The following LGALS13 variants were observed in gnomAD, a reference collection of about 807,000 sequenced individuals.
LGALS13 encodes galectin 13.
Under a neutral mutation model 13.2 loss-of-function variants are expected in LGALS13, and 11 were observed. That is an observed-to-expected ratio of 0.83 (90% CI 0.52 to 1.38). The LOEUF (loss-of-function observed/expected upper bound fraction) is 1.38. Among genes scored for constraint, LGALS13 ranks in the 40% most tolerant of loss-of-function variants. The pLI is 0.00. For missense variants in LGALS13, 183 were observed against 174.3 expected (o/e 1.05, Z -0.28); for synonymous variants, 71 against 63.7 (o/e 1.11, Z -0.54).
At chr19:39,606,641 C>T (rs1972693536) in intron 3 of LGALS13, among the ~76,000 whole-genome samples, 1 of 152,232 alleles carries the variant, frequency 6.6e-6, no homozygotes, top group South Asian at 2.1e-4. Flanking sequence ...AAAACATTCA[C>T]ATCTTATTCA....
At chr19:39,606,010 C>T (rs1045501444) in intron 3 of LGALS13, among the ~76,000 whole-genome samples, 4 of 152,116 alleles carry the variant, frequency 2.6e-5, no homozygotes, top group African/African-American at 7.2e-5. Flanking sequence ...GCACACCTGG[C>T]TAATTTTTGT....
chr19:39,604,934 G>A (rs1015896942), intron 2 of LGALS13, among the ~76,000 whole-genome samples: 8 of 152,174 alleles, frequency 5.3e-5, no homozygotes, highest in African/African-American at 1.4e-4. Flanking sequence ...TAGAATTTTC[G>A]GGAATGAACA....
Position 39,604,632 on chromosome 19 carries a change from G to T in LGALS13, c.46G>T (p.Val16Phe). The T allele has an allele frequency of 6.2e-7, 1 of 1,614,198 alleles. No homozygotes were observed. The highest frequency in any genetic ancestry group is 8.5e-7 in the Non-Finnish European group (1 of 1,180,044). Reference sequence around the variant, plus strand: ...ATACAAACTGCCTGTGTCTTTGTCTGTTGGTTCCTGCGTGATAATCAAAGG... The same window carrying T: ...ATACAAACTGCCTGTGTCTTTGTCTTTTGGTTCCTGCGTGATAATCAAAGG... The part of the protein sequence containing the change: ...VPYKLPVSLS[V>F]GSCVIIKGTP... Residue 16 changes from valine (V) to phenylalanine (F), a missense_variant, in exon 2 of 4, where the codon GTT becomes TTT. Coordinates refer to ENST00000221797, the MANE Select transcript of LGALS13 (RefSeq NM_013268.3).
chr19:39,606,035 C>CG (rs541426538), intron 3 of LGALS13, among the ~76,000 whole-genome samples: 101 of 152,198 alleles, frequency 6.6e-4, no homozygotes, highest in African/African-American at 2.2e-3. Context: ...TTAGGGGAGA[C>CG]GGGGGTTCAC....
Position 39,607,251 on chromosome 19 carries a change from G to C in LGALS13, c.332G>C (p.Gly111Ala). The change falls in exon 4 of 4, where the codon GGC becomes GCC. Residue 111 changes from glycine (G) to alanine (A), a missense_variant. Gly to Ala is a moderately conservative substitution (Grantham distance 60). Transcript: ENST00000221797. ...AAGGTCAATGGCATACGCATTTACG[G>C]CTTTGTCCATCGAATCCCGCCATCA... ...EIKVNGIRIY[G>A]FVHRIPPSFV... 1 of 1,614,008 alleles carries C rather than the reference G, an allele frequency of 6.2e-7. No homozygotes were observed. Among genetic ancestry groups the C allele is most frequent in the Non-Finnish European group, 8.5e-7 (1 of 1,179,928 alleles).
intron 1 of LGALS13, among the ~76,000 whole-genome samples, chr19:39,603,104 T>C (rs1440880094): frequency 6.6e-6 from 1 of 152,180 alleles, no homozygotes; most frequent in Non-Finnish European, 1.5e-5. Flanking sequence ...CACATGTGAA[T>C]GTTTCTCCCC....
chr19:39,605,283 G>A lies in LGALS13; in HGVS notation c.198G>A (p.Arg66=), dbSNP rs1395857937. The A allele has an allele frequency of 3.1e-6, 5 of 1,614,064 alleles. No homozygotes were observed. Among genetic ancestry groups the A allele is most frequent in the South Asian group, 2.2e-5 (2 of 91,094 alleles). The change falls in exon 3 of 4, where the codon AGG becomes AGA. Residue 66 remains arginine (R), a synonymous_variant. Transcript: ENST00000221797. ...VHFGNHVVMN[R]REFGIWMLEE... ...TTGGCAATCATGTGGTCATGAACAGGCGTGAGTTTGGGATATGGATGTTGG... is the reference window on the plus strand; with the variant it reads ...TTGGCAATCATGTGGTCATGAACAGACGTGAGTTTGGGATATGGATGTTGG...
chr19:39,605,243 G>T lies in LGALS13; in HGVS notation c.158G>T (p.Arg53Leu). Residue 53 changes from arginine (R) to leucine (L), a missense_variant, in exon 3 of 4, where the codon CGT (arginine) becomes CTT (leucine). By Grantham distance (102) the Arg-to-Leu change is moderately radical. Coordinates refer to ENST00000221797, the MANE Select transcript of LGALS13 (RefSeq NM_013268.3). The part of the protein sequence containing the change: ...DMDEDSDIAF[R>L]FRVHFGNHVV... ...GATGAGGATTCAGATATTGCCTTCCGTTTCCGAGTGCACTTTGGCAATCAT... is the reference window on the plus strand; with the variant it reads ...GATGAGGATTCAGATATTGCCTTCCTTTTCCGAGTGCACTTTGGCAATCAT... 1.9e-6 allele frequency: 3 copies of T among 1,614,194 alleles called. No individual in the cohort carries two copies. The highest frequency in any genetic ancestry group is 1.7e-6 in the Non-Finnish European group (2 of 1,180,022).
intron 2 of LGALS13, 55 bp from the exon 3 acceptor site, chr19:39,605,123 T>G: frequency 7.2e-7 from 1 of 1,387,486 alleles, no homozygotes. Context: ...GTGTGTCGAG[T>G]GTGTGTCTGC....
chr19:39,602,750 T>G (rs530120976), intron 1 of LGALS13, among the ~76,000 whole-genome samples, 167 bp downstream of exon 1: 2 of 152,272 alleles, frequency 1.3e-5, no homozygotes, highest in South Asian at 4.1e-4. Context: ...GAGATGCTTG[T>G]GGGGATTGCG....
In LGALS13 at chr19:39,605,274, C is replaced by T. The variant is rs760990490; in HGVS notation, c.189C>T (p.Val63=). ...GAGTGCACTTTGGCAATCATGTGGT[C>T]ATGAACAGGCGTGAGTTTGGGATAT... ...RFRVHFGNHV[V]MNRREFGIWM... is the part of the protein sequence containing the mutation. The change falls in exon 3 of 4, where the codon GTC becomes GTT. Residue 63 remains valine (V), a synonymous_variant. Transcript: ENST00000221797. The T allele has an allele frequency of 1.2e-6, 2 of 1,614,142 alleles. No homozygotes were observed. Among genetic ancestry groups the T allele is most frequent in the East Asian group, 2.2e-5 (1 of 44,886 alleles).
In LGALS13 at chr19:39,607,292, C is replaced by T. The variant is rs370980902; in HGVS notation, c.373C>T (p.Gln125Ter). The T allele has an allele frequency of 6.2e-7, 1 of 1,613,966 alleles. No individual in the cohort carries two copies. The highest frequency in any genetic ancestry group is 8.5e-7 in the Non-Finnish European group (1 of 1,179,868). The change falls in exon 4 of 4, where the codon CAA becomes TAA. Residue 125 changes from glutamine (Q) to a stop codon, truncating the protein, a stop_gained. Transcript: ENST00000221797. LOFTEE classifies it high-confidence loss of function. ...CCCGCCATCATTTGTGAAGATGGTG[C>T]AAGTGTCGAGAGATATCTCCCTGAC... Reference protein sequence around the residue: ...RIPPSFVKMVQVSRDISLTSV... With the variant: ...RIPPSFVKMV
At position 39,604,568 on chromosome 19, in the gene LGALS13, C is replaced by T. The variant is rs577803789; in HGVS notation, c.16-34C>T. ...ACAGGAGGGGAGACTGCACCTGACCCTGCACCTCTCACTTACTCTCAATAC... is the reference window on the plus strand; with the variant it reads ...ACAGGAGGGGAGACTGCACCTGACCTTGCACCTCTCACTTACTCTCAATAC... On this transcript the variant is annotated intron_variant, in intron 1 of 3. Transcript: ENST00000221797. The T allele has an allele frequency of 2.6e-4, 420 of 1,612,032 alleles. 11 individuals are homozygous for T. The South Asian group carries it at 4.2e-3, about 16-fold the overall frequency.
In LGALS13 at chr19:39,607,434, T is replaced by G; in HGVS notation, c.*95T>G. 2 of 842,010 alleles carry G rather than the reference T, an allele frequency of 2.4e-6. No homozygotes were observed. The highest frequency in any genetic ancestry group is 4.1e-6 in the Non-Finnish European group (2 of 486,728). 52.2% of individuals were successfully genotyped at this position (842,010 alleles called of 1,614,324 possible). On this transcript the variant is annotated 3_prime_UTR_variant, in exon 4 of 4. Coordinates refer to ENST00000221797, the MANE Select transcript of LGALS13 (RefSeq NM_013268.3). ...GCTAACAGAATAATCCCTGCTCACA[T>G]TTTCCCCTACACTTTGTCATTAAAA...
Position 39,605,285 on chromosome 19 carries a change from G to T in LGALS13, c.200G>T (p.Arg67Leu), listed in dbSNP as rs150572663. The change falls in exon 3 of 4, where the codon CGT (arginine) becomes CTT (leucine). Residue 67 changes from arginine to leucine, a missense_variant. Physicochemically the swap from Arg to Leu is moderately radical, Grantham distance 102 (BLOSUM62 -2). Coordinates refer to ENST00000221797, the MANE Select transcript of LGALS13 (RefSeq NM_013268.3). ...GGCAATCATGTGGTCATGAACAGGC[G>T]TGAGTTTGGGATATGGATGTTGGAG... ...HFGNHVVMNR[R>L]EFGIWMLEET... 2 of 1,614,178 alleles carry T rather than the reference G, an allele frequency of 1.2e-6. No homozygotes were observed. Among genetic ancestry groups the T allele is most frequent in the Admixed American group, 3.3e-5 (2 of 60,032 alleles).
intron 1 of LGALS13, among the ~76,000 whole-genome samples, chr19:39,603,235 G>A (rs749262631): frequency 6.6e-6 from 1 of 152,050 alleles, no homozygotes; most frequent in Non-Finnish European, 1.5e-5. Context: ...ATCAGTAGAT[G>A]TCTCTTCCCA....
chr19:39,607,362 T>C lies in LGALS13; in HGVS notation c.*23T>C. 7.1e-7 allele frequency: 1 copy of C among 1,412,004 alleles called. No individual in the cohort carries two copies. The highest frequency in any genetic ancestry group is 1.0e-6 in the Non-Finnish European group (1 of 995,436). The allele number at this position is 1,412,004 out of a possible 1,614,324, so 87.5% of individuals were successfully genotyped here. ...TGAGGGAGATGATCACACTCCTCAT[T>C]GTTGAGGAATCCCTCTTTCTACCTG... On this transcript the variant is annotated 3_prime_UTR_variant, in exon 4 of 4. Transcript: ENST00000221797.
chr19:39,605,070 T>C (rs1972662229), intron 2 of LGALS13, 108 bp from the exon 3 acceptor site: 1 of 932,718 alleles, frequency 1.1e-6, no homozygotes, highest in Non-Finnish European at 1.7e-6. Context: ...CAGTATTATC[T>C]GGGAGACTTT....
chr19:39,604,988 G>C, intron 2 of LGALS13, 190 bp from the exon 3 acceptor site: 1 of 684,228 alleles, frequency 1.5e-6, no homozygotes, highest in Non-Finnish European at 2.6e-6. Context: ...TTTTCATCTG[G>C]GGATGAGGAG....
Sources: gnomAD v4.1 joint callset for allele counts (sites outside exome capture counted in the v4.1 genomes callset) on GRCh38, gnomAD v4.1.1 for gene constraint, MANE v1.5 for transcripts, NCBI Gene and HGNC (gene_info 2026-07-23, HGNC 2026-07-21) for gene names.